Variants in ASTN2 observed in about 807,000 individuals in gnomAD.
ASTN2 encodes astrotactin 2.
Under a neutral mutation model 139.8 loss-of-function variants are expected in ASTN2, and 54 were observed. That is an observed-to-expected ratio of 0.39 (90% CI 0.31 to 0.48). The LOEUF (loss-of-function observed/expected upper bound fraction) is 0.48. Ranked by LOEUF, ASTN2 falls within the 20% of genes least tolerant of loss-of-function variation. ASTN2 has a pLI of 0.95. For synonymous variants in ASTN2, 756 were observed against 719.5 expected (o/e 1.05, Z -0.81); for missense variants, 1,565 against 1,725.1 (o/e 0.91, Z 1.64).
At chr9:116,600,118 T>C (rs1422674027) in intron 19 of ASTN2, among the ~76,000 whole-genome samples, 2 of 151,552 alleles carry the variant, frequency 1.3e-5, no homozygotes, top group Non-Finnish European at 2.9e-5. Flanking sequence ...AGTCCAGGAG[T>C]TTGGGACCAG....
chr9:116,648,005 CTTTT>C (rs71377260), intron 17 of ASTN2, among the ~76,000 whole-genome samples: 2 of 141,012 alleles, frequency 1.4e-5, no homozygotes. Flanking sequence ...TTTTTCTTTT[CTTTT>C]TTTTTTTTTT....
chr9:117,165,841 G>A (rs4292766), intron 3 of ASTN2, among the ~76,000 whole-genome samples: 64,668 of 151,780 alleles, frequency 0.43, 13,858 homozygotes, highest in Non-Finnish European at 0.44. Context: ...GTGAAATGAG[G>A]AACTAAATGT....
At chr9:117,091,708 C>T (rs911588895) in intron 5 of ASTN2, among the ~76,000 whole-genome samples, 1 of 151,826 alleles carries the variant, frequency 6.6e-6, no homozygotes, top group Admixed American at 6.6e-5. Flanking sequence ...AGGGAAGGAG[C>T]GGACAGAGCC....
At chr9:117,065,646 G>C (rs1827913453) in intron 5 of ASTN2, among the ~76,000 whole-genome samples, 1 of 152,312 alleles carries the variant, frequency 6.6e-6, no homozygotes, top group Non-Finnish European at 1.5e-5. Context: ...TACAGGTGTT[G>C]AGGAAATGTC....
At chr9:116,883,109 T>C (rs12001118) in intron 10 of ASTN2, among the ~76,000 whole-genome samples, 3,437 of 152,294 alleles carry the variant, frequency 0.023, 125 homozygotes, top group African/African-American at 0.078. Context: ...GCATTGTTTA[T>C]AATGGGGCAA....
At chr9:117,219,887 G>A (rs1407621848) in intron 2 of ASTN2, among the ~76,000 whole-genome samples, 2 of 152,154 alleles carry the variant, frequency 1.3e-5, no homozygotes, top group Non-Finnish European at 2.9e-5. Flanking sequence ...GAGGTGTCAA[G>A]GGCAGAGTGC....
At chr9:117,270,462 G>T (rs775250753) in intron 2 of ASTN2, among the ~76,000 whole-genome samples, 1 of 152,142 alleles carries the variant, frequency 6.6e-6, no homozygotes, top group Non-Finnish European at 1.5e-5. Flanking sequence ...GACAATGAGG[G>T]TCACAGAGAC....
At chr9:116,744,264 G>C (rs755311031) in intron 13 of ASTN2, among the ~76,000 whole-genome samples, 1 of 152,182 alleles carries the variant, frequency 6.6e-6, no homozygotes, top group Non-Finnish European at 1.5e-5. Flanking sequence ...CTAAAGCAGC[G>C]AGTGAGAAGC....
At chr9:116,538,769 T>C (rs1482098596) in intron 19 of ASTN2, among the ~76,000 whole-genome samples, 1 of 152,144 alleles carries the variant, frequency 6.6e-6, no homozygotes, top group Admixed American at 6.5e-5. Flanking sequence ...AGGCAGCAAA[T>C]ATCATCACCT....
chr9:116,501,735 GA>G (rs2119139402), intron 19 of ASTN2, among the ~76,000 whole-genome samples: 1 of 152,106 alleles, frequency 6.6e-6, no homozygotes, highest in Admixed American at 6.6e-5. Context: ...ATAGCACTGG[GA>G]GATATACCTA....
At chr9:117,071,190 G>A (rs1828111549) in intron 5 of ASTN2, among the ~76,000 whole-genome samples, 1 of 151,628 alleles carries the variant, frequency 6.6e-6, no homozygotes, top group African/African-American at 2.4e-5. Flanking sequence ...TGGGTTTTTG[G>A]TGTGGATGTC....
intron 2 of ASTN2, among the ~76,000 whole-genome samples, chr9:117,277,960 AC>A (rs1834234020): frequency 6.6e-6 from 1 of 152,246 alleles, no homozygotes; most frequent in South Asian, 2.1e-4. Flanking sequence ...AAACATAGAC[AC>A]AAAAAAATTT....
intron 20 of ASTN2, among the ~76,000 whole-genome samples, chr9:116,473,438 G>A (rs1359372271): frequency 6.6e-6 from 1 of 152,190 alleles, no homozygotes; most frequent in African/African-American, 2.4e-5. Context: ...GGCATCTCTT[G>A]TTACGTCAGA....
intron 19 of ASTN2, among the ~76,000 whole-genome samples, chr9:116,535,558 C>A (rs1450304319): frequency 6.6e-6 from 1 of 152,094 alleles, no homozygotes; most frequent in African/African-American, 2.4e-5. Context: ...CTGGTGGTGA[C>A]AAAATCCCTT....
intron 11 of ASTN2, among the ~76,000 whole-genome samples, chr9:116,840,511 C>CA (rs1480207608): frequency 2.6e-5 from 1 of 38,500 alleles, no homozygotes; most frequent in Non-Finnish European, 5.0e-5. Flanking sequence ...GGGGGCTGAC[C>CA]CCCCCCACCT....
At chr9:116,456,731 C>A (rs1397605038) in intron 20 of ASTN2, among the ~76,000 whole-genome samples, 1 of 152,118 alleles carries the variant, frequency 6.6e-6, no homozygotes, top group Non-Finnish European at 1.5e-5. Context: ...GAAAGAATTT[C>A]CCCCATGATT....
chr9:117,366,378 C>T (rs1258552685), intron 1 of ASTN2, among the ~76,000 whole-genome samples: 1 of 152,130 alleles, frequency 6.6e-6, no homozygotes, highest in African/African-American at 2.4e-5. Context: ...CTCTCATCAA[C>T]CCTGTGTGGG....
rs146363315 is a variant in ASTN2 at position 116,795,356 on chromosome 9, C to A, written c.2396+10276G>T. On this transcript the variant is annotated intron_variant, in intron 13 of 22. Transcript: ENST00000313400. Reference sequence around the variant, plus strand: ...TGCAACTTTTGGATCTGGGCCCAGGCCCTTTATCAAATTCCACATAGTAAA... The same window carrying A: ...TGCAACTTTTGGATCTGGGCCCAGGACCTTTATCAAATTCCACATAGTAAA... Among the ~76,000 whole-genome samples the A allele has an allele frequency of 2.9e-3, 449 of 152,366 alleles. 6 individuals carry two copies. The highest frequency in any genetic ancestry group is 0.01 in the African/African-American group (429 of 41,584).
At chr9:117,064,968 A>T (rs2132695071) in intron 5 of ASTN2, among the ~76,000 whole-genome samples, 1 of 152,188 alleles carries the variant, frequency 6.6e-6, no homozygotes, top group African/African-American at 2.4e-5. Flanking sequence ...ACATGGAAAA[A>T]AGGGTCTTTG....
Sources: gnomAD v4.1 joint callset for allele counts (sites outside exome capture counted in the v4.1 genomes callset) on GRCh38, gnomAD v4.1.1 for gene constraint, MANE v1.5 for transcripts, NCBI Gene and HGNC (gene_info 2026-07-23, HGNC 2026-07-21) for gene names.